Variants in AGBL1 observed in about 807,000 individuals in gnomAD.
The protein encoded by AGBL1 is cytosolic carboxypeptidase 4.
A neutral mutation model predicts 118.9 loss-of-function variants in AGBL1; 130 were observed. The observed-to-expected ratio is 1.09, with a 90% CI of 0.95 to 1.26. The LOEUF is 1.26. Ranked by LOEUF, AGBL1 falls within the 50% of genes most tolerant of loss-of-function variation. The pLI is 0.00. For synonymous variants in AGBL1, 555 were observed against 478.9 expected (o/e 1.16, Z -2.08); for missense variants, 1,584 against 1,298.1 (o/e 1.22, Z -3.38).
chr15:86,081,069 C>T (rs879412559), intron 1 of AGBL1, among the ~76,000 whole-genome samples: 6 of 152,142 alleles, frequency 3.9e-5, no homozygotes, highest in East Asian at 1.9e-4. Flanking sequence ...GTTGAGACAG[C>T]GTCTCACTCT....
intron 24 of AGBL1, among the ~76,000 whole-genome samples, chr15:86,997,069 C>A (rs1273594961): frequency 1.3e-5 from 2 of 150,298 alleles, no homozygotes; most frequent in Non-Finnish European, 3.0e-5. Flanking sequence ...GCCTTTTTTT[C>A]TTTCCTGTTG....
chr15:86,843,011 C>G (rs60518398), intron 22 of AGBL1, among the ~76,000 whole-genome samples: 1 of 152,150 alleles, frequency 6.6e-6, no homozygotes, highest in Non-Finnish European at 1.5e-5. Context: ...CTCCTTCAAA[C>G]AGGTCAGATA....
chr15:86,428,393 G>A (rs1238283715), intron 18 of AGBL1, among the ~76,000 whole-genome samples: 1 of 152,136 alleles, frequency 6.6e-6, no homozygotes, highest in Middle Eastern at 3.2e-3. Context: ...AATACTCCAG[G>A]GAAGGCAGAT....
chr15:86,127,209 G>C (rs934954009), intron 1 of AGBL1, among the ~76,000 whole-genome samples: 2 of 152,174 alleles, frequency 1.3e-5, no homozygotes, highest in African/African-American at 4.8e-5. Context: ...AGAAGTATAA[G>C]GGCTTTGTGT....
rs549936574 is a variant in AGBL1 at position 86,638,126 on chromosome 15, T to A, written c.2995-36147T>A. Reference sequence around the variant, plus strand: ...CAGGCTAGAGACCCAGAACTGCTCCTGCCCTTTTGAAAAAAATCCTACAAT... The same window carrying A: ...CAGGCTAGAGACCCAGAACTGCTCCAGCCCTTTTGAAAAAAATCCTACAAT... On this transcript the variant is annotated intron_variant, in intron 21 of 22. Coordinates refer to ENST00000614907, the MANE Select transcript of AGBL1 (RefSeq NM_001386094.1). Among the ~76,000 whole-genome samples the A allele has an allele frequency of 3.6e-4, 55 of 152,292 alleles. No individual in the cohort carries two copies. The South Asian group carries it at 0.011, about 30-fold the overall frequency.
chr15:86,579,197 C>T (rs776040500), intron 21 of AGBL1, among the ~76,000 whole-genome samples: 20 of 152,084 alleles, frequency 1.3e-4, no homozygotes, highest in Non-Finnish European at 2.2e-4. Flanking sequence ...CTGGGACAAG[C>T]AGTTATTGCA....
chr15:86,134,604 C>CTTT (rs141645590), intron 1 of AGBL1, among the ~76,000 whole-genome samples: 5 of 84,614 alleles, frequency 5.9e-5, no homozygotes, highest in Admixed American at 1.4e-4. Flanking sequence ...TCAATGGTGC[C>CTTT]TTTTTTTTTT....
chr15:86,555,896 G>A lies in AGBL1; in HGVS notation c.2994+1359G>A, dbSNP rs544231339. Among the ~76,000 whole-genome samples the A allele has an allele frequency of 1.2e-4, 18 of 152,092 alleles. No homozygotes were observed. In the East Asian group the frequency reaches 1.4e-3, roughly 11 times the overall value. On this transcript the variant is annotated intron_variant, in intron 21 of 22. Coordinates refer to ENST00000614907, the MANE Select transcript of AGBL1 (RefSeq NM_001386094.1). ...TGTTCACTCCCTTGTCATTCAAAAC[G>A]TATAAGATTGGAAAAAAAAAGCTTT... is the stretch of plus-strand genomic sequence containing the variant.
intron 1 of AGBL1, among the ~76,000 whole-genome samples, chr15:86,134,535 A>G (rs2076859946): frequency 6.6e-6 from 1 of 151,252 alleles, no homozygotes; most frequent in African/African-American, 2.4e-5. Flanking sequence ...ACTTGTGGAG[A>G]AAATTGAGAG....
chr15:86,143,854 A>C lies in AGBL1; in HGVS notation c.262+9A>C, dbSNP rs2076997824. On this transcript the variant is annotated intron_variant, in intron 3 of 22. Coordinates refer to ENST00000614907, the MANE Select transcript of AGBL1 (RefSeq NM_001386094.1). The stretch of plus-strand genomic sequence containing the variant: ...CAAAGTTGGCCTAAGAGGTACTCGT[A>C]CTCCAAGACCTAAAGCTGACTGAAA... The C allele has an allele frequency of 2.5e-6, 4 of 1,613,136 alleles. No individual in the cohort carries two copies. The Middle Eastern group carries it at 5.0e-4, about 200-fold the overall frequency.
intron 22 of AGBL1, among the ~76,000 whole-genome samples, chr15:86,837,807 G>C (rs2079189403): frequency 6.6e-6 from 1 of 152,188 alleles, no homozygotes; most frequent in Non-Finnish European, 1.5e-5. Flanking sequence ...GGTTAGCTCA[G>C]AAATCAGAAG....
At position 86,634,278 on chromosome 15, in the gene AGBL1, C is replaced by T. The variant is rs188947036; in HGVS notation, c.2995-39995C>T. ...ATTTGTATGTAGGTATTTATAGCAG[C>T]GCTATTTATAACAGCCAACAAGTAG... On this transcript the variant is annotated intron_variant, in intron 21 of 22. Transcript: ENST00000614907. Among the ~76,000 whole-genome samples, 6 of 152,158 alleles carry T rather than the reference C, an allele frequency of 3.9e-5. No homozygotes were observed. In the East Asian group the frequency reaches 7.7e-4, roughly 20 times the overall value.
rs140969444 is a variant in AGBL1, at chr15:86,968,207, A to G, written c.3222-19780A>G. Reference sequence around the variant, plus strand: ...AATGACATTGGATTTGGAGTCAGAAAGAAGGCCTAGATTACCTCCTCAAAT... The same window carrying G: ...AATGACATTGGATTTGGAGTCAGAAGGAAGGCCTAGATTACCTCCTCAAAT... On this transcript the variant is annotated intron_variant, in intron 23 of 24. Coordinates refer to the AGBL1 transcript ENST00000441037. Among the ~76,000 whole-genome samples, 225 of 151,994 alleles carry G rather than the reference A, an allele frequency of 1.5e-3. 2 individuals are homozygous for G. The highest frequency in any genetic ancestry group is 2.5e-3 in the Non-Finnish European group (173 of 67,900).
At chr15:86,485,800 TTATTC>T (rs1476863945) in intron 18 of AGBL1, among the ~76,000 whole-genome samples, 1 of 152,120 alleles carries the variant, frequency 6.6e-6, no homozygotes, top group African/African-American at 2.4e-5. Context: ...CATTCAAAAT[TTATTC>T]TTATTCTGAT....
chr15:86,966,936 C>G (rs1270791315), intron 23 of AGBL1, among the ~76,000 whole-genome samples: 1 of 151,946 alleles, frequency 6.6e-6, no homozygotes, highest in Non-Finnish European at 1.5e-5. Context: ...GTTTACAGTC[C>G]CACCAACAGT....
At chr15:86,103,762 T>C (rs1896869739) in intron 1 of AGBL1, among the ~76,000 whole-genome samples, 1 of 152,210 alleles carries the variant, frequency 6.6e-6, no homozygotes, top group Admixed American at 6.5e-5. Flanking sequence ...GAGCATGCCT[T>C]TCCTTGGTCC....
At chr15:86,209,480 C>T (rs1597555745) in intron 5 of AGBL1, among the ~76,000 whole-genome samples, 1 of 152,088 alleles carries the variant, frequency 6.6e-6, no homozygotes, top group East Asian at 1.9e-4. Flanking sequence ...TGAGGACTTG[C>T]TTTATGAATC....
rs190550294 is a variant in AGBL1, at chr15:86,948,844, C to A, written c.3222-39143C>A. On this transcript the variant is annotated intron_variant, in intron 23 of 24. Coordinates refer to the AGBL1 transcript ENST00000441037. ...ATGTCAAGAATGTTTAATACACTAG[C>A]ATAACCTAGCCCAGGAATTGGTAAG... Among the ~76,000 whole-genome samples, 5 of 152,340 alleles carry A rather than the reference C, an allele frequency of 3.3e-5. No homozygotes were observed. In the East Asian group the frequency reaches 7.7e-4, roughly 23 times the overall value.
intron 19 of AGBL1, among the ~76,000 whole-genome samples, chr15:86,528,444 C>T: frequency 6.6e-6 from 1 of 152,140 alleles, no homozygotes; most frequent in East Asian, 1.9e-4. Context: ...CCACACCTGG[C>T]TCGGAGGGTC....
Sources: allele counts gnomAD v4.1 joint callset (sites outside exome capture counted in the v4.1 genomes callset), GRCh38; gene constraint gnomAD v4.1.1; transcripts MANE v1.5; gene names NCBI Gene and HGNC (gene_info 2026-07-23, HGNC 2026-07-21).